FIGN: variants seen among roughly 807,000 people sequenced by gnomAD.
The protein encoded by FIGN is fidgetin.
In FIGN, 11 loss-of-function variants were observed where a neutral mutation model predicts 51.3. The observed-to-expected ratio is 0.21, with a 90% confidence interval of 0.13 to 0.35. The LOEUF (loss-of-function observed/expected upper bound fraction) is 0.35. Among genes scored for constraint, FIGN ranks in the 10% least tolerant of loss-of-function variants. The probability of loss-of-function intolerance (pLI) is 1.00; values close to 1 mark genes in which losing one functional copy is unlikely to be tolerated. For synonymous variants in FIGN, 407 were observed against 363.2 expected (o/e 1.12, Z -1.37); for missense variants, 857 against 943.6 (o/e 0.91, Z 1.20).
At chr2:163,728,950 A>G (rs947104661) in intron 2 of FIGN, among the ~76,000 whole-genome samples, 1 of 152,218 alleles carries the variant, frequency 6.6e-6, no homozygotes, top group Non-Finnish European at 1.5e-5. Flanking sequence ...AAGTCAAAAG[A>G]TAAGCAAAAA....
intron 2 of FIGN, among the ~76,000 whole-genome samples, chr2:163,696,149 A>G (rs977936574): frequency 4.6e-5 from 7 of 152,100 alleles, no homozygotes; most frequent in African/African-American, 1.7e-4. Context: ...GTGTTTTTGG[A>G]TGAAGAAGCT....
At chr2:163,699,798 T>G (rs1684380457) in intron 2 of FIGN, among the ~76,000 whole-genome samples, 1 of 152,122 alleles carries the variant, frequency 6.6e-6, no homozygotes, top group African/African-American at 2.4e-5. Context: ...ATCAGATAAT[T>G]TTAGTATACT....
At chr2:163,668,632 T>C (rs751216183) in intron 2 of FIGN, among the ~76,000 whole-genome samples, 2 of 152,118 alleles carry the variant, frequency 1.3e-5, no homozygotes, top group South Asian at 2.1e-4. Flanking sequence ...AAGTTTTAAA[T>C]AGGTAAAACT....
chr2:163,624,925 A>C (rs2105307408), intron 2 of FIGN, among the ~76,000 whole-genome samples: 1 of 152,080 alleles, frequency 6.6e-6, no homozygotes, highest in South Asian at 2.1e-4. Flanking sequence ...TTTCACATTT[A>C]GTAGTGTCAT....
In FIGN at chr2:163,605,778, T is replaced by C. The variant is rs958640526; in HGVS notation, c.*3774A>G. 29 of 152,072 alleles carry C rather than the reference T, an allele frequency of 1.9e-4. No homozygotes were observed. Among genetic ancestry groups the C allele is most frequent in the African/African-American group, 7.0e-4 (29 of 41,420 alleles). The allele number at this position is 152,072 out of a possible 1,614,324, so 9.4% of individuals were successfully genotyped here. A position where few individuals can be genotyped will look rare whatever the true frequency, so the allele number is the denominator to read the frequency against. On this transcript the variant is annotated 3_prime_UTR_variant, in exon 3 of 3. Transcript: ENST00000333129. ...ATGAGAATGTGAGTACAGAAGTCTCTTTCTGCTTGGAGTTGGATACATTTT... is the reference window on the plus strand; with the variant it reads ...ATGAGAATGTGAGTACAGAAGTCTCCTTCTGCTTGGAGTTGGATACATTTT...
Position 163,698,696 on chromosome 2 carries a change from G to C in FIGN, c.25+36207C>G, listed in dbSNP as rs138908264. On this transcript the variant is annotated intron_variant, in intron 2 of 2. Transcript: ENST00000333129. ...TAAGGAAACAGAACTTTTGTAGACT[G>C]GTCAGGAAAATTAAGCACAACGCAA... Among the ~76,000 whole-genome samples the C allele has an allele frequency of 3.8e-3, 582 of 152,202 alleles. 18 individuals carry two copies. The highest frequency in any genetic ancestry group is 0.036 in the Admixed American group (543 of 15,282).
chr2:163,675,228 C>T (rs1020526145), intron 2 of FIGN, among the ~76,000 whole-genome samples: 2 of 152,168 alleles, frequency 1.3e-5, no homozygotes, highest in African/African-American at 4.8e-5. Flanking sequence ...TTCCATGTCC[C>T]TTGTTTTTAA....
intron 2 of FIGN, among the ~76,000 whole-genome samples, chr2:163,633,027 T>A (rs1559003014): frequency 1.3e-5 from 2 of 151,804 alleles, no homozygotes; most frequent in African/African-American, 4.8e-5. Context: ...AAAAAAAACC[T>A]TTTAAAATTC....
intron 2 of FIGN, among the ~76,000 whole-genome samples, chr2:163,696,322 C>T (rs561970564): frequency 1.3e-5 from 2 of 152,186 alleles, no homozygotes; most frequent in African/African-American, 4.8e-5. Flanking sequence ...TGAGGTGCTT[C>T]TGAACCTCAG....
In FIGN at chr2:163,624,708, A is replaced by ATAT. The variant is rs564288395; in HGVS notation, c.26-12903_26-12902insATA. Among the ~76,000 whole-genome samples the ATAT allele has an allele frequency of 7.5e-3, 1,085 of 145,478 alleles. 14 individuals are homozygous for ATAT. Among genetic ancestry groups the ATAT allele is most frequent in the African/African-American group, 0.018 (709 of 39,400 alleles). The stretch of plus-strand genomic sequence containing the variant: ...TATACATACATATATATATATATAT[A>ATAT]TTTTTTTTTTTCCTAGACAAGCTGT... On this transcript the variant is annotated intron_variant, in intron 2 of 2. Transcript: ENST00000333129.
chr2:163,628,833 C>T (rs1000186546), intron 2 of FIGN, among the ~76,000 whole-genome samples: 12 of 152,098 alleles, frequency 7.9e-5, no homozygotes, highest in Non-Finnish European at 1.5e-5. Context: ...CCTCAAAAAG[C>T]CCAGGGAGGG....
intron 2 of FIGN, among the ~76,000 whole-genome samples, chr2:163,619,056 A>G (rs2105304328): frequency 6.6e-6 from 1 of 152,262 alleles, no homozygotes; most frequent in African/African-American, 2.4e-5. Context: ...GGTATCTTAA[A>G]AAACTGGTCT....
At chr2:163,626,269 T>A (rs1454770191) in intron 2 of FIGN, among the ~76,000 whole-genome samples, 1 of 152,156 alleles carries the variant, frequency 6.6e-6, no homozygotes, top group East Asian at 1.9e-4. Flanking sequence ...AATAAATTTG[T>A]ATTAAGAATC....
intron 2 of FIGN, among the ~76,000 whole-genome samples, chr2:163,700,039 G>A (rs1684384019): frequency 6.6e-6 from 1 of 152,006 alleles, no homozygotes; most frequent in African/African-American, 2.4e-5. Flanking sequence ...AATTGGAAAG[G>A]AAAGAAGGAG....
chr2:163,668,993 T>C (rs13023876), intron 2 of FIGN, among the ~76,000 whole-genome samples: 1 of 136,292 alleles, frequency 7.3e-6, no homozygotes, highest in Non-Finnish European at 1.5e-5. Context: ...AAGAATTTCT[T>C]AGCATAATTA....
chr2:163,692,566 G>T (rs1684255415), intron 2 of FIGN, among the ~76,000 whole-genome samples: 1 of 152,126 alleles, frequency 6.6e-6, no homozygotes. Context: ...ATCTATTATA[G>T]ATTTCTTTCT....
At chr2:163,705,357 A>G (rs1057254396) in intron 2 of FIGN, among the ~76,000 whole-genome samples, 3 of 152,148 alleles carry the variant, frequency 2.0e-5, no homozygotes, top group Admixed American at 6.6e-5. Flanking sequence ...TTTCAGATGG[A>G]ACTTCATAGT....
intron 2 of FIGN, among the ~76,000 whole-genome samples, chr2:163,663,545 G>T (rs1683725216): frequency 6.6e-6 from 1 of 151,334 alleles, no homozygotes; most frequent in East Asian, 2.0e-4. Context: ...TGTTAGTCAG[G>T]CTGGTCTCAA....
chr2:163,636,994 G>T (rs1263859483), intron 2 of FIGN, among the ~76,000 whole-genome samples: 1 of 151,982 alleles, frequency 6.6e-6, no homozygotes, highest in Non-Finnish European at 1.5e-5. Context: ...CATGAGAATT[G>T]CTTGAACCTG....
Sources: allele counts gnomAD v4.1 joint callset (sites outside exome capture counted in the v4.1 genomes callset), GRCh38; gene constraint gnomAD v4.1.1; transcripts MANE v1.5; gene names NCBI Gene and HGNC (gene_info 2026-07-23, HGNC 2026-07-21).